SOX5: variants seen among roughly 807,000 people sequenced by gnomAD.
SOX5 encodes the protein SRY-box transcription factor 5.
SOX5 carries 9 observed loss-of-function variants against 92.0 expected under a neutral mutation model. The ratio of observed to expected loss-of-function variants is 0.10; its 90% confidence interval spans 0.06 to 0.17. The LOEUF is 0.17. Among genes scored for constraint, SOX5 ranks in the 10% least tolerant of loss-of-function variants. The pLI is 1.00. For synonymous variants in SOX5, 344 were observed against 336.3 expected, an observed-to-expected ratio of 1.02 and a Z score of -0.25; for missense variants, 642 against 944.5, an observed-to-expected ratio of 0.68 and a Z score of 4.20.
chr12:23,574,958 C>T (rs1209176306), intron 10 of SOX5, among the ~76,000 whole-genome samples: 2 of 152,232 alleles, frequency 1.3e-5, no homozygotes, highest in African/African-American at 4.8e-5. Flanking sequence ...AATGACTCTC[C>T]CTTAACTAAA....
intron 12 of SOX5, 150 bp from the exon 13 acceptor site, chr12:23,543,534 A>T (rs1942522250): frequency 5.5e-6 from 3 of 544,984 alleles, no homozygotes; most frequent in Admixed American, 6.4e-5. Context: ...ATGCTTGTTT[A>T]TGAAGTTTTT....
At chr12:23,867,222 A>T (rs1453907378) in intron 2 of SOX5, among the ~76,000 whole-genome samples, 1 of 152,182 alleles carries the variant, frequency 6.6e-6, no homozygotes, top group African/African-American at 2.4e-5. Flanking sequence ...TTAATCACAT[A>T]GTTCCATTAG....
At chr12:24,222,942 A>G (rs1361915294) in intron 3 of SOX5, among the ~76,000 whole-genome samples, 2 of 152,294 alleles carry the variant, frequency 1.3e-5, no homozygotes, top group East Asian at 3.9e-4. Flanking sequence ...AACCTTGGGA[A>G]AACAGTGGGT....
intron 1 of SOX5, among the ~76,000 whole-genome samples, chr12:24,549,005 GC>G (rs1952906852): frequency 6.6e-6 from 1 of 152,096 alleles, no homozygotes; most frequent in Non-Finnish European, 1.5e-5. Context: ...CTCTGCTTCA[GC>G]CATGCTGCCC....
intron 6 of SOX5, among the ~76,000 whole-genome samples, chr12:23,702,870 T>G (rs1490367854): frequency 6.6e-6 from 1 of 152,026 alleles, no homozygotes; most frequent in Non-Finnish European, 1.5e-5. Flanking sequence ...TTTTCTTATC[T>G]AACAGAAAAG....
chr12:24,146,598 G>A (rs1951109495), intron 4 of SOX5, among the ~76,000 whole-genome samples: 1 of 151,770 alleles, frequency 6.6e-6, no homozygotes, highest in Non-Finnish European at 1.5e-5. Context: ...AAAAGACAAT[G>A]TTAGCAGAAG....
At chr12:24,435,781 A>C (rs1050685594) in intron 1 of SOX5, among the ~76,000 whole-genome samples, 15 of 152,126 alleles carry the variant, frequency 9.9e-5, no homozygotes, top group Non-Finnish European at 1.5e-4. Flanking sequence ...TTTTCTTTTT[A>C]ACAAATTGAA....
At chr12:24,035,121 C>T (rs976669626) in intron 4 of SOX5, among the ~76,000 whole-genome samples, 8 of 152,070 alleles carry the variant, frequency 5.3e-5, no homozygotes, top group Non-Finnish European at 1.0e-4. Context: ...AGACAATATA[C>T]GATGGCAGTG....
At chr12:23,689,911 T>A (rs1336595937) in intron 6 of SOX5, among the ~76,000 whole-genome samples, 1 of 152,132 alleles carries the variant, frequency 6.6e-6, no homozygotes, top group Admixed American at 6.6e-5. Flanking sequence ...CTGGAGGAAA[T>A]GCTTTTTCAG....
Position 24,475,668 on chromosome 12 carries a change from C to T in SOX5, c.-251+86661G>A, listed in dbSNP as rs192522751. Among the ~76,000 whole-genome samples the T allele has an allele frequency of 3.0e-3, 460 of 152,252 alleles. 1 individual carries two copies. The highest frequency in any genetic ancestry group is 4.8e-3 in the Non-Finnish European group (329 of 68,016). ...ATTTTATTGGAGGAAAGTCAACAGG[C>T]TAACTCTAAACTTTAATTAGAAGCA... On this transcript the variant is annotated intron_variant, in intron 1 of 4. Transcript: ENST00000446891.
At chr12:24,179,655 T>C (rs1469180658) in intron 4 of SOX5, among the ~76,000 whole-genome samples, 3 of 152,228 alleles carry the variant, frequency 2.0e-5, no homozygotes, top group African/African-American at 4.8e-5. Flanking sequence ...TTCAACACTT[T>C]ATTTGAAAAG....
intron 1 of SOX5, among the ~76,000 whole-genome samples, chr12:24,371,866 T>C (rs557123647): frequency 6.6e-6 from 1 of 152,030 alleles, no homozygotes; most frequent in African/African-American, 2.4e-5. Context: ...CACACACCTA[T>C]AGTCCCAGCT....
chr12:24,346,363 G>A (rs1431928404), intron 2 of SOX5, among the ~76,000 whole-genome samples: 2 of 151,890 alleles, frequency 1.3e-5, no homozygotes, highest in Non-Finnish European at 1.5e-5. Flanking sequence ...ATAGAAAAAT[G>A]TACTATGCAG....
At chr12:24,277,651 G>T (rs972420842) in intron 2 of SOX5, among the ~76,000 whole-genome samples, 6 of 150,410 alleles carry the variant, frequency 4.0e-5, no homozygotes, top group African/African-American at 1.5e-4. Flanking sequence ...TATTATCTTG[G>T]CATTATAAAG....
chr12:23,797,937 T>G (rs1000941762), intron 3 of SOX5, among the ~76,000 whole-genome samples: 1 of 151,926 alleles, frequency 6.6e-6, no homozygotes, highest in African/African-American at 2.4e-5. Flanking sequence ...TTTTTTGTTT[T>G]GTTTGGTTTT....
At chr12:23,701,510 T>C (rs2090625032) in intron 6 of SOX5, among the ~76,000 whole-genome samples, 1 of 152,076 alleles carries the variant, frequency 6.6e-6, no homozygotes, top group Non-Finnish European at 1.5e-5. Flanking sequence ...ACATGAATCT[T>C]TATAAACATA....
intron 4 of SOX5, among the ~76,000 whole-genome samples, chr12:24,191,396 G>A (rs1415960273): frequency 1.3e-5 from 2 of 152,140 alleles, no homozygotes; most frequent in African/African-American, 4.8e-5. Flanking sequence ...AGTGTGTTGG[G>A]AGAGTCTGCT....
intron 3 of SOX5, among the ~76,000 whole-genome samples, chr12:23,818,243 G>T (rs1406250714): frequency 6.6e-6 from 1 of 152,160 alleles, no homozygotes; most frequent in East Asian, 1.9e-4. Context: ...CAGCTGGTAT[G>T]TAGCCTACTA....
At chr12:23,784,040 A>G (rs1170856851) in intron 3 of SOX5, among the ~76,000 whole-genome samples, 2 of 152,214 alleles carry the variant, frequency 1.3e-5, no homozygotes, top group Non-Finnish European at 2.9e-5. Flanking sequence ...AATAATTAAC[A>G]TCTAAAATTT....
Sources: allele counts gnomAD v4.1 joint callset (sites outside exome capture counted in the v4.1 genomes callset), GRCh38; gene constraint gnomAD v4.1.1; transcripts MANE v1.5; gene names NCBI Gene and HGNC (gene_info 2026-07-23, HGNC 2026-07-21).